The following ELF2 variants were observed in gnomAD, a reference collection of about 807,000 sequenced individuals.
ELF2 encodes the protein E74 like ETS transcription factor 2, also known as ETS-related transcription factor Elf-2.
Under a neutral mutation model 54.8 loss-of-function variants are expected in ELF2, and 11 were observed. The ratio of observed to expected loss-of-function variants is 0.20; its 90% CI spans 0.13 to 0.33. The LOEUF is 0.33. Ranked by LOEUF, ELF2 falls within the 10% of genes least tolerant of loss-of-function variation. ELF2 has a pLI of 1.00. For synonymous variants in ELF2, 203 were observed against 245.1 expected (o/e 0.83, Z 1.61); for missense variants, 513 against 703.0 (o/e 0.73, Z 3.06).
intron 1 of ELF2, among the ~76,000 whole-genome samples, chr4:139,170,291 G>A (rs1292299516): frequency 5.2e-5 from 6 of 114,354 alleles, no homozygotes; most frequent in Non-Finnish European, 8.2e-5. Context: ...TTGAGACAGA[G>A]TCTCGCTCTG....
intron 1 of ELF2, among the ~76,000 whole-genome samples, chr4:139,143,646 G>A (rs138423401): frequency 0.019 from 2,834 of 152,212 alleles, 41 homozygotes; most frequent in South Asian, 0.029. Flanking sequence ...ATAGCCCAGC[G>A]TGGTGGCAGG....
intron 7 of ELF2, among the ~76,000 whole-genome samples, chr4:139,063,122 G>A (rs918766607): frequency 6.6e-6 from 1 of 152,138 alleles, no homozygotes; most frequent in Non-Finnish European, 1.5e-5. Flanking sequence ...GCTGCGCATG[G>A]TGGCGTGCAC....
At chr4:139,084,000 C>T in intron 4 of ELF2, 1 of 1,471,634 alleles carries the variant, frequency 6.8e-7, no homozygotes, top group East Asian at 2.4e-5. Flanking sequence ...CCCCCTTTCC[C>T]CCAGCCGCCC....
At chr4:139,145,500 C>T (rs1739135583) in intron 1 of ELF2, among the ~76,000 whole-genome samples, 1 of 152,188 alleles carries the variant, frequency 6.6e-6, no homozygotes, top group African/African-American at 2.4e-5. Context: ...AGGGGGACAG[C>T]ACCACATCAA....
chr4:139,084,362 C>G (rs1012240667), intron 4 of ELF2: 9 of 1,482,088 alleles, frequency 6.1e-6, no homozygotes, highest in African/African-American at 1.4e-5. Flanking sequence ...GACAGGAAGC[C>G]GAGGCCGGCC....
chr4:139,174,831 T>C (rs1400435908), intron 1 of ELF2, among the ~76,000 whole-genome samples: 1 of 152,164 alleles, frequency 6.6e-6, no homozygotes, highest in Non-Finnish European at 1.5e-5. Flanking sequence ...GTCACCCAGG[T>C]TGGTGTCCAA....
intron 4 of ELF2, among the ~76,000 whole-genome samples, chr4:139,109,058 A>G (rs911866967): frequency 6.6e-6 from 1 of 152,212 alleles, no homozygotes; most frequent in African/African-American, 2.4e-5. Context: ...AAAAGCCCTC[A>G]TATACCTTAA....
At chr4:139,089,442 C>T (rs1462355775) in intron 4 of ELF2, among the ~76,000 whole-genome samples, 1 of 152,150 alleles carries the variant, frequency 6.6e-6, no homozygotes. Flanking sequence ...ATGAAGATAG[C>T]ATTTTTGAAT....
At chr4:139,120,689 A>ACCCCTG (rs1431243017) in intron 4 of ELF2, among the ~76,000 whole-genome samples, 2 of 151,694 alleles carry the variant, frequency 1.3e-5, no homozygotes, top group African/African-American at 4.8e-5. Context: ...AGATCCTCCC[A>ACCCCTG]CCTCTGCCTC....
intron 1 of ELF2, among the ~76,000 whole-genome samples, chr4:139,166,225 T>TA (rs2148909370): frequency 6.6e-6 from 1 of 152,150 alleles, no homozygotes; most frequent in African/African-American, 2.4e-5. Flanking sequence ...TAGTCTCTAC[T>TA]AAAAATACAA....
intron 1 of ELF2, among the ~76,000 whole-genome samples, chr4:139,143,682 G>A (rs896962426): frequency 6.6e-6 from 1 of 152,162 alleles, no homozygotes; most frequent in Non-Finnish European, 1.5e-5. Flanking sequence ...TTACTCGGGA[G>A]GCTGAGGCAG....
At chr4:139,114,954 C>T (rs1427780005) in intron 4 of ELF2, 3 of 1,613,430 alleles carry the variant, frequency 1.9e-6, no homozygotes, top group Non-Finnish European at 2.5e-6. Flanking sequence ...GTGTGCTCAG[C>T]TTCTGCATGC....
intron 3 of ELF2, 88 bp downstream of exon 3, chr4:139,137,542 C>T (rs1738310656): frequency 3.9e-6 from 5 of 1,293,064 alleles, no homozygotes; most frequent in African/African-American, 2.9e-5. Flanking sequence ...CATTTTTACT[C>T]TCAAATATGT....
chr4:139,134,282 C>G (rs1462275785), intron 3 of ELF2, among the ~76,000 whole-genome samples: 1 of 151,572 alleles, frequency 6.6e-6, no homozygotes, highest in Admixed American at 6.6e-5. Context: ...ACTTACCTTC[C>G]TGGGATTAAA....
intron 1 of ELF2, among the ~76,000 whole-genome samples, chr4:139,164,581 G>A (rs949238272): frequency 6.6e-6 from 1 of 152,174 alleles, no homozygotes; most frequent in African/African-American, 2.4e-5. Context: ...AGATTGCCGT[G>A]AGCCAAGACT....
chr4:139,142,098 G>A (rs1412777077), intron 1 of ELF2, among the ~76,000 whole-genome samples: 3 of 151,982 alleles, frequency 2.0e-5, no homozygotes, highest in Admixed American at 6.5e-5. Flanking sequence ...AGAGGAGAGA[G>A]AAAAAAATAA....
intron 1 of ELF2, among the ~76,000 whole-genome samples, chr4:139,150,091 A>G (rs571702662): frequency 6.6e-6 from 1 of 152,034 alleles, no homozygotes; most frequent in African/African-American, 2.4e-5. Flanking sequence ...TGTAATCCCA[A>G]TACTTTGGGA....
chr4:139,167,230 G>A (rs1338090516), intron 1 of ELF2, among the ~76,000 whole-genome samples: 1 of 152,140 alleles, frequency 6.6e-6, no homozygotes, highest in Non-Finnish European at 1.5e-5. Context: ...CCAAGACTTT[G>A]ACTGGAATAT....
At position 139,163,603 on chromosome 4, in the gene ELF2, A is replaced by G. The variant is rs538784564; in HGVS notation, c.-252+13364T>C. Among the ~76,000 whole-genome samples the G allele has an allele frequency of 5.3e-5, 8 of 152,264 alleles. 1 individual carries two copies. The South Asian group carries it at 1.5e-3, about 28-fold the overall frequency. On this transcript the variant is annotated intron_variant, in intron 1 of 9. Transcript: ENST00000686138. ...TTAAGCTGTGGAAAGTTTGTGAAGG[A>G]TGAATTTATTAAAGAAATTTTGTGT...
Sources: gnomAD v4.1 joint callset for allele counts (sites outside exome capture counted in the v4.1 genomes callset) on GRCh38, gnomAD v4.1.1 for gene constraint, MANE v1.5 for transcripts, NCBI Gene and HGNC (gene_info 2026-07-23, HGNC 2026-07-21) for gene names.